ZNF692: variants seen among roughly 807,000 people sequenced by gnomAD.
The protein encoded by ZNF692 is AICAR responsive element binding protein.
ZNF692 carries 41 observed loss-of-function variants against 49.0 expected under a neutral mutation model. That is an observed-to-expected ratio of 0.84 (90% CI 0.65 to 1.08). ZNF692 has a LOEUF of 1.08. Ranked by LOEUF, ZNF692 falls within the 50% of genes least tolerant of loss-of-function variation. ZNF692 has a pLI of 0.00. For missense variants in ZNF692, 662 were observed against 662.2 expected (o/e 1.00, Z 0.00); for synonymous variants, 288 against 251.5 (o/e 1.15, Z -1.37).
chr1:248,856,187 C>T, intron 6 of ZNF692, 101 bp downstream of exon 6: 1 of 1,503,952 alleles, frequency 6.6e-7, no homozygotes, highest in Non-Finnish European at 8.9e-7. Flanking sequence ...ACCCTTCCCT[C>T]CACACTAACA....
chr1:248,857,292 A>G lies in ZNF692; in HGVS notation c.417T>C (p.Leu139=), dbSNP rs1441260086. ...ACCAACTTCTCCGAGTAGTATGTGG[A>G]AGGGAGGCTGGCTTGGGTGCCTCTG... ...TPSEAPKPAS[L]PHTTRRSWCS... Residue 139 remains leucine, a synonymous_variant, in exon 4 of 12, where the codon CTT becomes CTC. Coordinates refer to ENST00000306601, the MANE Select transcript of ZNF692 (RefSeq NM_017865.4). The G allele has an allele frequency of 4.3e-6, 7 of 1,613,628 alleles. No individual in the cohort carries two copies. Among genetic ancestry groups the G allele is most frequent in the Non-Finnish European group, 5.9e-6 (7 of 1,179,520 alleles).
intron 10 of ZNF692, among the ~76,000 whole-genome samples, chr1:248,851,747 C>T (rs981202451): frequency 6.6e-6 from 1 of 152,176 alleles, no homozygotes; most frequent in African/African-American, 2.4e-5. Context: ...CCATGCACTG[C>T]ACCACTTCAG....
At chr1:248,852,470 C>T (rs772956161) in intron 10 of ZNF692, among the ~76,000 whole-genome samples, 3 of 152,182 alleles carry the variant, frequency 2.0e-5, no homozygotes, top group Non-Finnish European at 4.4e-5. Flanking sequence ...GCATCAGCAG[C>T]AAGCCTTTCT....
In ZNF692 at chr1:248,850,144, CCT is replaced by C. The variant is rs1659372792; in HGVS notation, c.*64_*65del. ...AGCATCTGGCATTTCTCAAGCAGAC[CCT>C]CTCCTTGTTGCTCCTTTTCAGTCCC... On this transcript the variant is annotated 3_prime_UTR_variant, in exon 12 of 12. Transcript: ENST00000306601. 6.7e-7 allele frequency: 1 copy of C among 1,487,176 alleles called. No homozygotes were observed. The highest frequency in any genetic ancestry group is 9.0e-7 in the Non-Finnish European group (1 of 1,113,436). 92.1% of individuals were successfully genotyped at this position (1,487,176 alleles called of 1,614,324 possible). A position where few individuals can be genotyped will look rare whatever the true frequency, so the allele number is the denominator to read the frequency against.
At chr1:248,856,661 T>A in intron 4 of ZNF692, 99 bp from the exon 5 acceptor site, 1 of 1,459,452 alleles carries the variant, frequency 6.9e-7, no homozygotes, top group South Asian at 1.2e-5. Context: ...CTCCTCTTTT[T>A]TTTTTAAATA....
At position 248,850,320 on chromosome 1, in the gene ZNF692, C is replaced by G. The variant is rs987833631; in HGVS notation, c.1450G>C (p.Gly484Arg). Residue 484 changes from glycine (G) to arginine (R), a missense_variant, in exon 12 of 12, where the codon GGT becomes CGT. Gly to Arg is a moderately radical substitution (Grantham distance 125). Transcript: ENST00000306601. ...ATGCTGGGACAGGGCTCTAGGGGAC[C>G]ACTGGGTGACTCTTGAGGGGCTAGA... ...LLLAPQESPS[G>R]PLEPCPSISA... is the part of the protein sequence containing the mutation. The G allele has an allele frequency of 6.2e-7, 1 of 1,613,904 alleles. No homozygotes were observed. Among genetic ancestry groups the G allele is most frequent in the Non-Finnish European group, 8.5e-7 (1 of 1,179,922 alleles).
chr1:248,853,851 T>G, intron 10 of ZNF692, 86 bp downstream of exon 10: 1 of 1,026,146 alleles, frequency 9.7e-7, no homozygotes, highest in Non-Finnish European at 1.5e-6. Flanking sequence ...GAGGGGGAGG[T>G]GAAGAAACCC....
chr1:248,855,781 C>A lies in ZNF692; in HGVS notation c.825G>T (p.Val275=). 1.9e-6 allele frequency: 3 copies of A among 1,614,176 alleles called. No homozygotes were observed. The highest frequency in any genetic ancestry group is 2.5e-6 in the Non-Finnish European group (3 of 1,180,042). ...SRAPPPAEVR[V]QPQLSRTPQA... The stretch of plus-strand genomic sequence containing the variant: ...GAGGGGTCCTGCTGAGCTGTGGCTG[C>A]ACCCTGACTTCTGCAGGTGGAGGAG... Residue 275 remains valine (V), a synonymous_variant, in exon 7 of 12, where the codon GTG becomes GTT. Transcript: ENST00000306601.
At chr1:248,851,653 T>A (rs1659614538) in intron 10 of ZNF692, among the ~76,000 whole-genome samples, 1 of 152,080 alleles carries the variant, frequency 6.6e-6, no homozygotes, top group Admixed American at 6.6e-5. Flanking sequence ...CTACTCCTGC[T>A]GTCAATCAGC....
At chr1:248,856,612 G>A in intron 4 of ZNF692, 50 bp from the exon 5 acceptor site, 2 of 1,609,990 alleles carry the variant, frequency 1.2e-6, no homozygotes. Flanking sequence ...CTCAAGGGAT[G>A]AGGACACATA....
chr1:248,850,037 A>T lies in ZNF692; in HGVS notation c.*173T>A. The T allele has an allele frequency of 1.6e-6, 1 of 610,730 alleles. No homozygotes were observed. The highest frequency in any genetic ancestry group is 2.7e-6 in the Non-Finnish European group (1 of 375,008). The allele number at this position is 610,730 out of a possible 1,614,324, so 37.8% of individuals were successfully genotyped here. Reference sequence around the variant, plus strand: ...TAAAATACTGTTTATTTTGTCCTTTAGGAAGACTAAAGTAGTCCAGCTCCC... The same window carrying T: ...TAAAATACTGTTTATTTTGTCCTTTTGGAAGACTAAAGTAGTCCAGCTCCC... On this transcript the variant is annotated 3_prime_UTR_variant, in exon 12 of 12. Transcript: ENST00000306601.
At position 248,855,708 on chromosome 1, in the gene ZNF692, C is replaced by T; in HGVS notation, c.881+17G>A. On this transcript the variant is annotated intron_variant, in intron 7 of 11. Transcript: ENST00000306601. ...CCCAGGACGCCCCTGCCCTTTCTGT[C>T]TCAGCCATCAGGTTACCTGGCCAGG... 2.5e-6 allele frequency: 4 copies of T among 1,614,234 alleles called. No individual in the cohort carries two copies. The South Asian group carries it at 3.3e-5, about 13-fold the overall frequency.
In ZNF692 at chr1:248,858,413, C is replaced by T; in HGVS notation, c.-12-92G>A. The T allele has an allele frequency of 1.3e-6, 2 of 1,549,166 alleles. No homozygotes were observed. ...GCCGTTAGGGCCTCAGTTTCCTCAT[C>T]AGTGAACTGGGGCAAGACTAAACTA... On this transcript the variant is annotated intron_variant, in intron 1 of 11. Coordinates refer to ENST00000306601, the MANE Select transcript of ZNF692 (RefSeq NM_017865.4). This position sits in a 1 kb window ranked among gnomAD's most constrained non-coding sequence, Gnocchi z 4.3.
At position 248,857,508 on chromosome 1, in the gene ZNF692, G is replaced by A. The variant is rs113355587; in HGVS notation, c.212-11C>T. The A allele has an allele frequency of 1.2e-5, 20 of 1,606,822 alleles. No homozygotes were observed. In the East Asian group the frequency reaches 4.0e-4, roughly 32 times the overall value. ...GCAAAGGCTCAGGACCTGGAGGGGTGGGGGAAGCAGTCAGGCTGAACTGGG... is the reference window on the plus strand; with the variant it reads ...GCAAAGGCTCAGGACCTGGAGGGGTAGGGGAAGCAGTCAGGCTGAACTGGG... On this transcript the variant is annotated splice_polypyrimidine_tract_variant and intron_variant, in intron 3 of 11. Transcript: ENST00000306601.
chr1:248,858,435 A>G lies in ZNF692; in HGVS notation c.-12-114T>C, dbSNP rs548744358. On this transcript the variant is annotated intron_variant, in intron 1 of 11. Transcript: ENST00000306601. This position sits in a 1 kb window ranked among gnomAD's most constrained non-coding sequence, Gnocchi z 4.3. Reference sequence around the variant, plus strand: ...CATCAGTGAACTGGGGCAAGACTAAACTATTTCAATAGCAGTGGCAGGTGT... The same window carrying G: ...CATCAGTGAACTGGGGCAAGACTAAGCTATTTCAATAGCAGTGGCAGGTGT... The G allele has an allele frequency of 3.9e-6, 6 of 1,551,076 alleles. No homozygotes were observed. The African/African-American group carries it at 8.2e-5, about 21-fold the overall frequency.
chr1:248,855,306 C>A, intron 9 of ZNF692, 74 bp downstream of exon 9: 1 of 1,469,168 alleles, frequency 6.8e-7, no homozygotes, highest in Admixed American at 1.7e-5. Flanking sequence ...GCCTTAAGAT[C>A]CTTTTCCTCA....
Position 248,858,761 on chromosome 1 carries a change from G to A in ZNF692, c.-13+157C>T. ...GCTCTTCATAGTTGGGTCGAGTGGC[G>A]GTGAGGCCGTGGTCAGAGGTCTGGA... On this transcript the variant is annotated intron_variant, in intron 1 of 11. Coordinates refer to ENST00000306601, the MANE Select transcript of ZNF692 (RefSeq NM_017865.4). This position sits in a 1 kb window ranked among gnomAD's most constrained non-coding sequence, Gnocchi z 4.3. The A allele has an allele frequency of 1.6e-6, 1 of 619,990 alleles. No homozygotes were observed. Among genetic ancestry groups the A allele is most frequent in the South Asian group, 1.9e-5 (1 of 53,168 alleles). The allele number at this position is 619,990 out of a possible 1,614,324, so 38.4% of individuals were successfully genotyped here.
At chr1:248,855,102 G>T (rs1660071556) in intron 9 of ZNF692, among the ~76,000 whole-genome samples, 1 of 152,188 alleles carries the variant, frequency 6.6e-6, no homozygotes, top group Admixed American at 6.5e-5. Flanking sequence ...CCCAGGCATG[G>T]ACTCTGAAGC....
intron 10 of ZNF692, among the ~76,000 whole-genome samples, chr1:248,853,101 C>T (rs543453796): frequency 1.3e-5 from 2 of 152,312 alleles, no homozygotes; most frequent in East Asian, 3.9e-4. Context: ...TTACCCAACT[C>T]CTCCCTTCCC....
Sources: gnomAD v4.1 joint callset for allele counts (sites outside exome capture counted in the v4.1 genomes callset) on GRCh38, gnomAD v4.1.1 for gene constraint, Gnocchi (gnomAD v3.1) non-coding constraint, MANE v1.5 for transcripts, NCBI Gene and HGNC (gene_info 2026-07-23, HGNC 2026-07-21) for gene names.